The following DCC variants were observed in gnomAD, a reference collection of about 807,000 sequenced individuals.
DCC encodes DCC netrin 1 receptor.
A neutral mutation model predicts 172.5 loss-of-function variants in DCC; 58 were observed. The observed-to-expected ratio is 0.34, with a 90% CI of 0.27 to 0.42. DCC has a LOEUF of 0.42. DCC is among the 10% of genes least tolerant of loss of function. The probability of loss-of-function intolerance (pLI) is 1.00; values close to 1 mark genes in which losing one functional copy is unlikely to be tolerated. For missense variants in DCC, 1,740 were observed against 1,791.0 expected (o/e 0.97, Z 0.51); for synonymous variants, 709 against 644.5 (o/e 1.10, Z -1.52).
intron 15 of DCC, among the ~76,000 whole-genome samples, chr18:53,342,686 A>G (rs2144876593): frequency 6.7e-6 from 1 of 148,656 alleles, no homozygotes; most frequent in African/African-American, 2.4e-5. Flanking sequence ...TTATTCCTAA[A>G]TACATATGTA....
At chr18:52,942,674 C>G (rs892363267) in intron 5 of DCC, among the ~76,000 whole-genome samples, 1 of 152,084 alleles carries the variant, frequency 6.6e-6, no homozygotes, top group Non-Finnish European at 1.5e-5. Context: ...TATTCACTAC[C>G]GTGAAAACAG....
At chr18:53,016,997 T>C (rs1428066103) in intron 5 of DCC, among the ~76,000 whole-genome samples, 1 of 152,128 alleles carries the variant, frequency 6.6e-6, no homozygotes, top group African/African-American at 2.4e-5. Flanking sequence ...TGAAAAGTGG[T>C]TTATTGAAGT....
At chr18:52,416,002 G>A (rs1472337033) in intron 1 of DCC, among the ~76,000 whole-genome samples, 15 of 151,798 alleles carry the variant, frequency 9.9e-5, no homozygotes, top group Admixed American at 3.3e-4. Flanking sequence ...TTTCTCTTGT[G>A]GGCATTTAGT....
chr18:52,920,847 T>C (rs1415826857), intron 3 of DCC, among the ~76,000 whole-genome samples: 2 of 152,104 alleles, frequency 1.3e-5, no homozygotes, highest in East Asian at 3.9e-4. Flanking sequence ...GCAATAAAAA[T>C]AAGTAACCTA....
At chr18:53,231,458 GTC>G (rs994747035) in intron 12 of DCC, among the ~76,000 whole-genome samples, 48 of 152,224 alleles carry the variant, frequency 3.2e-4, no homozygotes, top group African/African-American at 1.0e-3. Flanking sequence ...TAAAGCAAGT[GTC>G]TGAACAATGC....
intron 15 of DCC, among the ~76,000 whole-genome samples, chr18:53,352,907 G>GT (rs1323765986): frequency 3.9e-5 from 6 of 151,942 alleles, no homozygotes; most frequent in African/African-American, 1.4e-4. Flanking sequence ...AGCTATAACT[G>GT]TTTTGCTTCT....
At chr18:52,423,009 T>C (rs1038463341) in intron 1 of DCC, among the ~76,000 whole-genome samples, 1 of 152,174 alleles carries the variant, frequency 6.6e-6, no homozygotes, top group African/African-American at 2.4e-5. Context: ...ATTAATTTAT[T>C]GAACAAAGTG....
At chr18:53,349,187 C>T (rs911978667) in intron 15 of DCC, among the ~76,000 whole-genome samples, 22 of 152,168 alleles carry the variant, frequency 1.4e-4, no homozygotes, top group African/African-American at 5.1e-4. Context: ...AAATCATCTC[C>T]CTCAAGTTGA....
intron 7 of DCC, among the ~76,000 whole-genome samples, chr18:53,095,453 A>G (rs908910673): frequency 2.6e-5 from 4 of 152,230 alleles, no homozygotes; most frequent in Non-Finnish European, 5.9e-5. Context: ...TTGCTGCTGT[A>G]ACATATTACC....
chr18:53,233,222 C>T lies in DCC; in HGVS notation c.1911+17625C>T, dbSNP rs551425840. On this transcript the variant is annotated intron_variant, in intron 12 of 28. Coordinates refer to ENST00000442544, the MANE Select transcript of DCC (RefSeq NM_005215.4). ...ACCTTTCTACATGTTGACGTTCTCC[C>T]GTTCTTTACATGTGTCATCATACCA... 3.3e-5 allele frequency among the ~76,000 whole-genome samples: 5 copies of T among 152,230 alleles called. No homozygotes were observed. In the South Asian group the frequency reaches 6.2e-4, roughly 19 times the overall value.
chr18:53,102,885 A>T (rs1717085746), intron 7 of DCC, among the ~76,000 whole-genome samples: 1 of 152,042 alleles, frequency 6.6e-6, no homozygotes, highest in South Asian at 2.1e-4. Context: ...TTTCTGCAAT[A>T]CACCCCCAAG....
chr18:52,867,501 C>T (rs1315579176), intron 2 of DCC, among the ~76,000 whole-genome samples: 1 of 151,304 alleles, frequency 6.6e-6, no homozygotes, highest in Non-Finnish European at 1.5e-5. Context: ...TGTGAATCCT[C>T]CTGGTCTTGG....
intron 12 of DCC, among the ~76,000 whole-genome samples, chr18:53,240,379 A>T (rs1320696406): frequency 6.6e-6 from 1 of 152,160 alleles, no homozygotes; most frequent in East Asian, 1.9e-4. Flanking sequence ...GGGATCAACA[A>T]TCATCTCTGT....
chr18:52,778,834 T>C (rs1392659868), intron 2 of DCC, among the ~76,000 whole-genome samples: 1 of 152,230 alleles, frequency 6.6e-6, no homozygotes, highest in Non-Finnish European at 1.5e-5. Context: ...CAAATACACA[T>C]GGGCATTGTA....
At chr18:53,016,510 T>C (rs1479461767) in intron 5 of DCC, among the ~76,000 whole-genome samples, 1 of 152,108 alleles carries the variant, frequency 6.6e-6, no homozygotes, top group Non-Finnish European at 1.5e-5. Context: ...AAATAAAAAC[T>C]GAAAACGTCT....
At chr18:52,594,166 C>T (rs1568245948) in intron 1 of DCC, among the ~76,000 whole-genome samples, 1 of 152,118 alleles carries the variant, frequency 6.6e-6, no homozygotes, top group Non-Finnish European at 1.5e-5. Context: ...GAAAAGGGCA[C>T]CCCCCTGGAT....
intron 1 of DCC, among the ~76,000 whole-genome samples, chr18:52,426,652 A>G (rs144114325): frequency 9.4e-6 from 1 of 105,896 alleles, no homozygotes; most frequent in Non-Finnish European, 2.2e-5. Flanking sequence ...TGAGAAGAGA[A>G]TTAATTCTGT....
chr18:52,652,223 G>A (rs755442936), intron 1 of DCC, among the ~76,000 whole-genome samples: 11 of 152,176 alleles, frequency 7.2e-5, no homozygotes, highest in Non-Finnish European at 1.2e-4. Flanking sequence ...GGAGGAGGGA[G>A]CTGACAGCAT....
At chr18:52,549,169 T>C (rs2032695828) in intron 1 of DCC, among the ~76,000 whole-genome samples, 1 of 152,082 alleles carries the variant, frequency 6.6e-6, no homozygotes, top group Non-Finnish European at 1.5e-5. Context: ...AAGCTCCTAA[T>C]TGGATTTTGG....
Sources: allele counts gnomAD v4.1 joint callset (sites outside exome capture counted in the v4.1 genomes callset), GRCh38; gene constraint gnomAD v4.1.1; transcripts MANE v1.5; gene names NCBI Gene and HGNC (gene_info 2026-07-23, HGNC 2026-07-21).